Variants in ZNF257 observed in about 807,000 individuals in gnomAD.
ZNF257 encodes zinc finger protein 257, also known as bone marrow zinc finger 4.
Under a neutral mutation model 11.9 loss-of-function variants are expected in ZNF257, and 12 were observed. That is an observed-to-expected ratio of 1.01 (90% CI 0.65 to 1.63). The LOEUF (loss-of-function observed/expected upper bound fraction) is 1.63. Ranked by LOEUF, ZNF257 falls within the 40% of genes most tolerant of loss-of-function variation. ZNF257 has a pLI of 0.00. For missense variants in ZNF257, 580 were observed against 665.5 expected (o/e 0.87, Z 1.41); for synonymous variants, 183 against 222.7 (o/e 0.82, Z 1.59).
intron 3 of ZNF257, among the ~76,000 whole-genome samples, chr19:22,085,885 T>C (rs1192305536): frequency 6.6e-6 from 1 of 152,142 alleles, no homozygotes; most frequent in Non-Finnish European, 1.5e-5. Flanking sequence ...TCTCATTTGG[T>C]TAATATTTGG....
At chr19:22,058,828 T>C (rs188758962) in intron 1 of ZNF257, among the ~76,000 whole-genome samples, 243 of 152,214 alleles carry the variant, frequency 1.6e-3, no homozygotes, top group African/African-American at 5.5e-3. Flanking sequence ...CCACTAGACA[T>C]TGAGGTGTCT....
At chr19:22,063,520 C>G (rs750332813) in intron 1 of ZNF257, among the ~76,000 whole-genome samples, 2 of 152,152 alleles carry the variant, frequency 1.3e-5, no homozygotes, top group Non-Finnish European at 2.9e-5. Flanking sequence ...TTACCACTGC[C>G]TTAGCTGTGT....
intron 3 of ZNF257, among the ~76,000 whole-genome samples, chr19:22,079,058 C>T (rs1366441775): frequency 6.6e-6 from 1 of 152,138 alleles, no homozygotes; most frequent in Non-Finnish European, 1.5e-5. Context: ...TCCCAAAATG[C>T]TGGGATTACA....
chr19:22,085,357 C>T (rs1420362338), intron 3 of ZNF257, among the ~76,000 whole-genome samples: 1 of 152,212 alleles, frequency 6.6e-6, no homozygotes, highest in African/African-American at 2.4e-5. Context: ...GTGTGAGCCA[C>T]GATGCCTGGC....
At chr19:22,075,762 G>C (rs1479157517) in intron 3 of ZNF257, 1 of 152,240 alleles carries the variant, frequency 6.6e-6, no homozygotes, top group Admixed American at 6.5e-5. Context: ...TTTGGAGATG[G>C]GGTCTTGCTA....
At chr19:22,059,254 A>C (rs557640810) in intron 1 of ZNF257, among the ~76,000 whole-genome samples, 2 of 152,174 alleles carry the variant, frequency 1.3e-5, no homozygotes, top group South Asian at 4.2e-4. Context: ...TGAGATACTA[A>C]ACTTTGCACC....
chr19:22,069,465 A>G lies in ZNF257; in HGVS notation c.4-3344A>G, dbSNP rs148716112. 5.5e-3 allele frequency among the ~76,000 whole-genome samples: 834 copies of G among 152,024 alleles called. 6 individuals carry two copies. Among genetic ancestry groups the G allele is most frequent in the African/African-American group, 0.018 (766 of 41,440 alleles). ...CCATCTCTACTAAAAAAAATAAAAA[A>G]TTAGCTGGGCGTGGTGGTGGGCGCC... On this transcript the variant is annotated intron_variant, in intron 1 of 3. Transcript: ENST00000594947.
intron 3 of ZNF257, among the ~76,000 whole-genome samples, chr19:22,078,256 A>AAC (rs1322950383): frequency 4.0e-4 from 60 of 151,100 alleles, no homozygotes; most frequent in African/African-American, 1.4e-3. Context: ...AAAAAAAAAA[A>AAC]AATTATAGTG....
In ZNF257 at chr19:22,085,119, T is replaced by A. The variant is rs1287099956; in HGVS notation, c.227-2858T>A. On this transcript the variant is annotated intron_variant, in intron 3 of 3. Transcript: ENST00000594947. The stretch of plus-strand genomic sequence containing the variant: ...CCAGGCTGGAGTTCAGTGGCGCGAT[T>A]TCTGCTCACTGCAACCTCCGCCTCC... Among the ~76,000 whole-genome samples, 5 of 152,090 alleles carry A rather than the reference T, an allele frequency of 3.3e-5. No individual in the cohort carries two copies. In the South Asian group the frequency reaches 6.2e-4, roughly 19 times the overall value.
chr19:22,059,112 T>C (rs1375898892), intron 1 of ZNF257, among the ~76,000 whole-genome samples: 2 of 152,150 alleles, frequency 1.3e-5, no homozygotes, highest in African/African-American at 2.4e-5. Flanking sequence ...ATCACCTACA[T>C]TGCACTCTCT....
At chr19:22,054,065 ATTTG>A (rs913898401) in intron 1 of ZNF257, among the ~76,000 whole-genome samples, 21 of 144,170 alleles carry the variant, frequency 1.5e-4, no homozygotes, top group Admixed American at 1.4e-3. Context: ...TTTTCCGCTG[ATTTG>A]TTTTTCTTTT....
chr19:22,062,120 G>T (rs1472294419), intron 1 of ZNF257, among the ~76,000 whole-genome samples: 1 of 150,554 alleles, frequency 6.6e-6, no homozygotes, highest in Admixed American at 6.6e-5. Context: ...GAGTGCAGTG[G>T]CATGGTGTTG....
At position 22,088,590 on chromosome 19, in the gene ZNF257, T is replaced by A; in HGVS notation, c.840T>A (p.Asn280Lys). 6.2e-7 allele frequency: 1 copy of A among 1,612,980 alleles called. No individual in the cohort carries two copies. The highest frequency in any genetic ancestry group is 1.3e-5 in the African/African-American group (1 of 74,624). Residue 280 changes from asparagine to lysine, a missense_variant, in exon 4 of 4, where the codon AAT (asparagine) becomes AAA (lysine). Transcript: ENST00000594947. ...TTACTCAACATAAGAGAATTCATAA[T>A]AGAGAGAAGCCCTTCAAATATGATG... ...SHITQHKRIHNREKPFKYDEC... is the reference protein window; with the variant it reads ...SHITQHKRIHKREKPFKYDEC...
At chr19:22,074,337 C>T (rs2022177228) in intron 3 of ZNF257, 2 of 151,838 alleles carry the variant, frequency 1.3e-5, no homozygotes, top group Non-Finnish European at 2.9e-5. Flanking sequence ...AATTTGTTCT[C>T]AGAAATTTAT....
intron 1 of ZNF257, among the ~76,000 whole-genome samples, chr19:22,061,214 A>G (rs10424618): frequency 0.056 from 8,546 of 152,250 alleles, 822 homozygotes; most frequent in African/African-American, 0.2. Flanking sequence ...TTCTTTGGGC[A>G]GTATGCCCAT....
intron 1 of ZNF257, among the ~76,000 whole-genome samples, chr19:22,053,073 A>T (rs1971738192): frequency 6.6e-6 from 1 of 152,190 alleles, no homozygotes; most frequent in Admixed American, 6.5e-5. Flanking sequence ...GAATTTAATT[A>T]AAGAGTGATT....
At chr19:22,059,653 T>A (rs377529013) in intron 1 of ZNF257, among the ~76,000 whole-genome samples, 19,860 of 150,910 alleles carry the variant, frequency 0.13, 1,525 homozygotes, top group Middle Eastern at 0.2. Context: ...CTTTTTTTTT[T>A]TTTTTTAATG....
chr19:22,085,047 T>G (rs73019876), intron 3 of ZNF257, among the ~76,000 whole-genome samples: 78,093 of 150,886 alleles, frequency 0.52, 20,732 homozygotes, highest in African/African-American at 0.64. Context: ...AGTTTTTTTT[T>G]TTGTTGTTGT....
intron 3 of ZNF257, among the ~76,000 whole-genome samples, chr19:22,087,343 A>G (rs1249534241): frequency 6.6e-6 from 1 of 151,988 alleles, no homozygotes; most frequent in Non-Finnish European, 1.5e-5. Context: ...ACATGTTCTT[A>G]GAGTGTGTCT....
Sources: gnomAD v4.1 joint callset for allele counts (sites outside exome capture counted in the v4.1 genomes callset) on GRCh38, gnomAD v4.1.1 for gene constraint, MANE v1.5 for transcripts, NCBI Gene and HGNC (gene_info 2026-07-23, HGNC 2026-07-21) for gene names.